Variants in COLEC12 observed in about 807,000 individuals in gnomAD.
COLEC12 encodes the protein collectin-12.
COLEC12 carries 33 observed loss-of-function variants against 71.1 expected under a neutral mutation model. That is an observed-to-expected ratio of 0.46 (90% CI 0.35 to 0.62). The LOEUF (loss-of-function observed/expected upper bound fraction) is 0.62. COLEC12 is among the 20% of genes least tolerant of loss of function. COLEC12 has a pLI of 0.00. For synonymous variants in COLEC12, 350 were observed against 353.0 expected (o/e 0.99, Z 0.10); for missense variants, 765 against 916.1 (o/e 0.84, Z 2.13).
chr18:430,205 G>A (rs916219663), intron 2 of COLEC12, among the ~76,000 whole-genome samples: 4 of 151,908 alleles, frequency 2.6e-5, no homozygotes, highest in Non-Finnish European at 4.4e-5. Context: ...GCGTGGTGGC[G>A]CACCTGTAGT....
At chr18:361,917 A>T (rs1914752730) in intron 2 of COLEC12, among the ~76,000 whole-genome samples, 1 of 152,140 alleles carries the variant, frequency 6.6e-6, no homozygotes, top group Non-Finnish European at 1.5e-5. Context: ...CTTACATTCC[A>T]CTAAGAGAGC....
intron 2 of COLEC12, among the ~76,000 whole-genome samples, chr18:375,603 G>A (rs1405865491): frequency 6.6e-6 from 1 of 152,134 alleles, no homozygotes; most frequent in Non-Finnish European, 1.5e-5. Flanking sequence ...GCTCAAGCGA[G>A]CCTCCCACCT....
intron 2 of COLEC12, among the ~76,000 whole-genome samples, chr18:450,569 C>T (rs1916740522): frequency 6.6e-6 from 1 of 152,186 alleles, no homozygotes; most frequent in African/African-American, 2.4e-5. Flanking sequence ...GTACAGCCTG[C>T]AGAACTGTGA....
In COLEC12 at chr18:487,984, A is replaced by G. The variant is rs80044574; in HGVS notation, c.8-7227T>C. Among the ~76,000 whole-genome samples, 34 of 152,384 alleles carry G rather than the reference A, an allele frequency of 2.2e-4. No individual in the cohort carries two copies. In the East Asian group the frequency reaches 6.4e-3, roughly 29 times the overall value. ...AAAGATGAAAATAAAGAAACCAGAT[A>G]AAGCAATTGAGAGGAAATCTACATT... On this transcript the variant is annotated intron_variant, in intron 1 of 9. Coordinates refer to ENST00000400256, the MANE Select transcript of COLEC12 (RefSeq NM_130386.3).
chr18:457,226 G>A (rs929333561), intron 2 of COLEC12, among the ~76,000 whole-genome samples: 2 of 152,190 alleles, frequency 1.3e-5, no homozygotes, highest in East Asian at 1.9e-4. Flanking sequence ...GACGCGAGCC[G>A]TGTAAATGGG....
intron 2 of COLEC12, among the ~76,000 whole-genome samples, chr18:455,873 C>T (rs544687482): frequency 5.3e-5 from 8 of 152,280 alleles, no homozygotes; most frequent in South Asian, 2.1e-4. Flanking sequence ...ATATGTGTCA[C>T]GTTTTCTTTG....
intron 8 of COLEC12, among the ~76,000 whole-genome samples, chr18:330,565 G>A (rs533626747): frequency 2.0e-4 from 31 of 151,262 alleles, no homozygotes; most frequent in African/African-American, 7.3e-4. Flanking sequence ...TTTCACACCC[G>A]TCAGAGGCAA....
Position 480,422 on chromosome 18 carries a change from G to A in COLEC12, c.58+285C>T, listed in dbSNP as rs1598378730. On this transcript the variant is annotated intron_variant, in intron 2 of 9. Coordinates refer to ENST00000400256, the MANE Select transcript of COLEC12 (RefSeq NM_130386.3). The surrounding 1 kb of genome is among the most constrained non-coding windows in gnomAD (Gnocchi z 4.1). ...GTCTTGTCACAGATTTGCCTTTCCCGCTACACTTTGTCTAGTAGGCTGTCT... is the reference window on the plus strand; with the variant it reads ...GTCTTGTCACAGATTTGCCTTTCCCACTACACTTTGTCTAGTAGGCTGTCT... Among the ~76,000 whole-genome samples the A allele has an allele frequency of 1.3e-5, 2 of 152,090 alleles. No individual in the cohort carries two copies. Among genetic ancestry groups the A allele is most frequent in the South Asian group, 2.1e-4 (1 of 4,820 alleles).
intron 2 of COLEC12, among the ~76,000 whole-genome samples, chr18:429,994 G>A (rs1203457959): frequency 6.6e-6 from 1 of 152,088 alleles, no homozygotes; most frequent in East Asian, 1.9e-4. Flanking sequence ...GTTCTGCATC[G>A]CCAGCTCCCA....
chr18:379,164 C>A (rs1166071998), intron 2 of COLEC12, among the ~76,000 whole-genome samples: 1 of 151,922 alleles, frequency 6.6e-6, no homozygotes, highest in East Asian at 1.9e-4. Flanking sequence ...GCTCTGTCAC[C>A]TAGGCTGGAG....
At chr18:428,353 T>G (rs897577947) in intron 2 of COLEC12, among the ~76,000 whole-genome samples, 1 of 152,144 alleles carries the variant, frequency 6.6e-6, no homozygotes, top group Non-Finnish European at 1.5e-5. Flanking sequence ...AATATGGCAG[T>G]GATTAAAACA....
chr18:444,047 C>T (rs2143700402), intron 2 of COLEC12, among the ~76,000 whole-genome samples: 1 of 152,240 alleles, frequency 6.6e-6, no homozygotes, highest in Middle Eastern at 3.4e-3. Context: ...ACAGCCGGTA[C>T]AACCATGAGC....
chr18:437,686 T>G (rs963818518), intron 2 of COLEC12, among the ~76,000 whole-genome samples: 1 of 152,220 alleles, frequency 6.6e-6, no homozygotes, highest in Non-Finnish European at 1.5e-5. Context: ...TCAACCCGGA[T>G]GGTGATACTT....
chr18:406,808 G>A (rs528869601), intron 2 of COLEC12, among the ~76,000 whole-genome samples: 145 of 152,350 alleles, frequency 9.5e-4, no homozygotes, highest in Non-Finnish European at 1.6e-3. Context: ...GTGTCGTTGT[G>A]TAATTACCTC....
chr18:370,916 T>G (rs758599965), intron 2 of COLEC12, among the ~76,000 whole-genome samples: 5 of 152,212 alleles, frequency 3.3e-5, no homozygotes, highest in Non-Finnish European at 7.3e-5. Flanking sequence ...ATTCATCACC[T>G]TCCCATTATG....
At chr18:345,604 A>C (rs1914353464) in intron 5 of COLEC12, among the ~76,000 whole-genome samples, 1 of 152,192 alleles carries the variant, frequency 6.6e-6, no homozygotes, top group Non-Finnish European at 1.5e-5. Context: ...CCATTCATCT[A>C]CTCATGACAT....
At chr18:431,648 T>A (rs1336273789) in intron 2 of COLEC12, among the ~76,000 whole-genome samples, 1 of 152,150 alleles carries the variant, frequency 6.6e-6, no homozygotes, top group Non-Finnish European at 1.5e-5. Flanking sequence ...GAGTTTGAAG[T>A]CCTGTTACAC....
chr18:431,999 T>C (rs927995932), intron 2 of COLEC12, among the ~76,000 whole-genome samples: 2 of 152,078 alleles, frequency 1.3e-5, no homozygotes, highest in Non-Finnish European at 2.9e-5. Flanking sequence ...CCCCCCACAC[T>C]CTAAATCATT....
At chr18:468,537 C>A (rs920520141) in intron 2 of COLEC12, among the ~76,000 whole-genome samples, 3 of 152,206 alleles carry the variant, frequency 2.0e-5, no homozygotes, top group Admixed American at 1.3e-4. Context: ...CAAACACACA[C>A]ACACACACAG....
Sources: allele counts gnomAD v4.1 joint callset (sites outside exome capture counted in the v4.1 genomes callset), GRCh38; gene constraint gnomAD v4.1.1; non-coding constraint Gnocchi (gnomAD v3.1); transcripts MANE v1.5; gene names NCBI Gene and HGNC (gene_info 2026-07-23, HGNC 2026-07-21).